Variants in LTBP1 observed in about 807,000 individuals in gnomAD.
LTBP1 encodes latent-transforming growth factor beta-binding protein 1.
Under a neutral mutation model 207.6 loss-of-function variants are expected in LTBP1, and 129 were observed. The ratio of observed to expected loss-of-function variants is 0.62; its 90% CI spans 0.54 to 0.72. The LOEUF (loss-of-function observed/expected upper bound fraction) is 0.72. Among genes scored for constraint, LTBP1 ranks in the 30% least tolerant of loss-of-function variants. The probability of loss-of-function intolerance (pLI) is 0.00; values close to 1 mark genes in which losing one functional copy is unlikely to be tolerated. For missense variants in LTBP1, 2,281 were observed against 2,217.2 expected (o/e 1.03, Z -0.58); for synonymous variants, 963 against 833.7 (o/e 1.16, Z -2.67).
intron 9 of LTBP1, among the ~76,000 whole-genome samples, chr2:33,230,139 A>G (rs1558852977): frequency 6.6e-6 from 1 of 152,228 alleles, no homozygotes; most frequent in East Asian, 1.9e-4. Context: ...GAGCCCATTT[A>G]GCATCTAATT....
chr2:33,048,164 A>G (rs2076540691), intron 3 of LTBP1, among the ~76,000 whole-genome samples: 1 of 152,186 alleles, frequency 6.6e-6, no homozygotes, highest in Admixed American at 6.5e-5. Context: ...TAAGAATAAA[A>G]CAGACATTCA....
At chr2:33,306,561 C>T (rs973110438) in intron 22 of LTBP1, among the ~76,000 whole-genome samples, 1 of 151,564 alleles carries the variant, frequency 6.6e-6, no homozygotes, top group Non-Finnish European at 1.5e-5. Context: ...TAGAGCAAAA[C>T]TCAGTCTCAA....
chr2:33,373,448 G>C (rs1402403924), intron 31 of LTBP1, among the ~76,000 whole-genome samples: 1 of 152,174 alleles, frequency 6.6e-6, no homozygotes, highest in African/African-American at 2.4e-5. Flanking sequence ...AAAGAATAAA[G>C]CACAAAGGCA....
At chr2:32,971,950 T>A (rs1018881508) in intron 2 of LTBP1, among the ~76,000 whole-genome samples, 7 of 152,080 alleles carry the variant, frequency 4.6e-5, no homozygotes, top group Admixed American at 3.3e-4. Flanking sequence ...TGGTTGCTAG[T>A]CTTTTTATTA....
rs553366874 is a variant in LTBP1, at chr2:33,360,730, G to A, written c.4134G>A (p.Val1378=). The change falls in exon 27 of 34, where the codon GTG becomes GTA. Residue 1378 remains valine (V), a synonymous_variant. Coordinates refer to ENST00000404816, the MANE Select transcript of LTBP1 (RefSeq NM_206943.4). ...AAGAATGCTGCTGTACATCAGGCGTGGGATGGGGAGATAACTGCGAAATCT... is the reference window on the plus strand; with the variant it reads ...AAGAATGCTGCTGTACATCAGGCGTAGGATGGGGAGATAACTGCGAAATCT... The part of the protein sequence containing the change: ...TKQECCCTSG[V]GWGDNCEIFP... 6.8e-5 allele frequency: 110 copies of A among 1,613,962 alleles called. No individual in the cohort carries two copies. The highest frequency in any genetic ancestry group is 1.6e-4 in the South Asian group (15 of 91,066).
chr2:33,361,596 A>G, intron 28 of LTBP1, 81 bp downstream of exon 28: 1 of 979,614 alleles, frequency 1.0e-6, no homozygotes, highest in Non-Finnish European at 1.6e-6. Flanking sequence ...TGGGTTTCAC[A>G]GAATTAGAGT....
intron 2 of LTBP1, among the ~76,000 whole-genome samples, chr2:32,965,153 A>G (rs1440185562): frequency 6.6e-6 from 1 of 152,202 alleles, no homozygotes; most frequent in African/African-American, 2.4e-5. Context: ...TCCATGGTCA[A>G]AGTGGACAGT....
At chr2:33,302,776 A>G (rs80006429) in intron 22 of LTBP1, among the ~76,000 whole-genome samples, 3,598 of 152,202 alleles carry the variant, frequency 0.024, 154 homozygotes, top group African/African-American at 0.081. Flanking sequence ...CAATATACCT[A>G]TTGAGGCCAG....
intron 3 of LTBP1, among the ~76,000 whole-genome samples, chr2:33,047,387 A>C (rs7423562): frequency 0.12 from 18,000 of 152,212 alleles, 1,185 homozygotes; most frequent in African/African-American, 0.15. Context: ...TAGTCAATTC[A>C]GGAGCAGGTT....
chr2:32,982,941 G>C (rs1682995536), intron 2 of LTBP1, among the ~76,000 whole-genome samples: 1 of 152,212 alleles, frequency 6.6e-6, no homozygotes, highest in Non-Finnish European at 1.5e-5. Flanking sequence ...CCCCCACACA[G>C]AGTCACCACT....
chr2:33,096,724 T>C (rs905289592), intron 3 of LTBP1, among the ~76,000 whole-genome samples: 7 of 152,124 alleles, frequency 4.6e-5, no homozygotes, highest in Admixed American at 1.3e-4. Context: ...TTGGTGGTGA[T>C]GGGTGTAGGT....
chr2:33,372,011 C>T (rs1397535448), intron 31 of LTBP1, among the ~76,000 whole-genome samples: 1 of 152,128 alleles, frequency 6.6e-6, no homozygotes, highest in Non-Finnish European at 1.5e-5. Flanking sequence ...TGATAGAAAT[C>T]GATCGTATAT....
At chr2:33,235,051 G>A (rs984487538) in intron 9 of LTBP1, among the ~76,000 whole-genome samples, 3 of 152,110 alleles carry the variant, frequency 2.0e-5, no homozygotes, top group Non-Finnish European at 4.4e-5. Context: ...TTGACCAATG[G>A]GATCTAATTA....
At position 33,360,740 on chromosome 2, in the gene LTBP1, G is replaced by A; in HGVS notation, c.4144G>A (p.Asp1382Asn). Residue 1382 changes from aspartate (D) to asparagine (N), a missense_variant, in exon 27 of 34, where the codon GAT becomes AAT. By Grantham distance (23) the Asp-to-Asn change is conservative. Coordinates refer to ENST00000404816, the MANE Select transcript of LTBP1 (RefSeq NM_206943.4). The stretch of plus-strand genomic sequence containing the variant: ...CTGTACATCAGGCGTGGGATGGGGA[G>A]ATAACTGCGAAATCTTCCCCTGCCC... ...CCCTSGVGWG[D>N]NCEIFPCPVL... 6.2e-7 allele frequency: 1 copy of A among 1,614,036 alleles called. No homozygotes were observed. The highest frequency in any genetic ancestry group is 8.5e-7 in the Non-Finnish European group (1 of 1,179,892).
At position 33,275,961 on chromosome 2, in the gene LTBP1, A is replaced by C. The variant is rs1404539562; in HGVS notation, c.2992+38A>C. The C allele has an allele frequency of 2.0e-6, 3 of 1,537,036 alleles. No homozygotes were observed. The African/African-American group carries it at 4.1e-5, about 21-fold the overall frequency. ...AGAGTGTTCAGCACACATGACGGTG[A>C]TGTGCAGGGTTGGTAGGCACCTTGC... On this transcript the variant is annotated intron_variant, in intron 18 of 33. Transcript: ENST00000404816.
At chr2:33,003,029 T>C (rs1686266952) in intron 2 of LTBP1, among the ~76,000 whole-genome samples, 1 of 152,126 alleles carries the variant, frequency 6.6e-6, no homozygotes, top group Admixed American at 6.5e-5. Context: ...TCCCTTACAA[T>C]ACGTAGAATA....
chr2:33,011,015 G>A (rs1437720927), intron 2 of LTBP1, among the ~76,000 whole-genome samples: 1 of 151,992 alleles, frequency 6.6e-6, no homozygotes, highest in Non-Finnish European at 1.5e-5. Flanking sequence ...ACCAGGCCCG[G>A]CCTAATCCAT....
At chr2:33,190,790 C>T (rs527300160) in intron 7 of LTBP1, among the ~76,000 whole-genome samples, 2 of 152,292 alleles carry the variant, frequency 1.3e-5, no homozygotes, top group Non-Finnish European at 2.9e-5. Flanking sequence ...TAGGGGACAG[C>T]ATCGATCCCA....
In LTBP1 at chr2:33,213,727, A is replaced by C. The variant is rs1573220632; in HGVS notation, c.1702-3825A>C. ...CTTCATAGTTAAATAACTGAAGGGCATATGTAGAACTTTGAGTCTTGTTAT... is the reference window on the plus strand; with the variant it reads ...CTTCATAGTTAAATAACTGAAGGGCCTATGTAGAACTTTGAGTCTTGTTAT... On this transcript the variant is annotated intron_variant, in intron 7 of 33. Coordinates refer to ENST00000404816, the MANE Select transcript of LTBP1 (RefSeq NM_206943.4). 5.3e-5 allele frequency among the ~76,000 whole-genome samples: 8 copies of C among 152,352 alleles called. 2 individuals carry two copies. Among genetic ancestry groups the C allele is most frequent in the Admixed American group, 4.6e-4 (7 of 15,302 alleles).
Sources: allele counts gnomAD v4.1 joint callset (sites outside exome capture counted in the v4.1 genomes callset), GRCh38; gene constraint gnomAD v4.1.1; transcripts MANE v1.5; gene names NCBI Gene and HGNC (gene_info 2026-07-23, HGNC 2026-07-21).